The following NADSYN1 variants were observed in gnomAD, a reference collection of about 807,000 sequenced individuals.
NADSYN1 encodes glutamine-dependent NAD(+) synthetase.
A neutral mutation model predicts 99.3 loss-of-function variants in NADSYN1; 80 were observed. That is an observed-to-expected ratio of 0.81 (90% CI 0.67 to 0.97). The LOEUF (loss-of-function observed/expected upper bound fraction) is 0.97, where lower values mean the gene tolerates loss of function less well. Ranked by LOEUF, NADSYN1 falls within the 50% of genes least tolerant of loss-of-function variation. NADSYN1 has a pLI of 0.00. For missense variants in NADSYN1, 859 were observed against 948.5 expected (o/e 0.91, Z 1.24); for synonymous variants, 385 against 372.1 (o/e 1.03, Z -0.40).
chr11:71,476,509 C>T (rs189125385), intron 9 of NADSYN1: 56 of 317,406 alleles, frequency 1.8e-4, no homozygotes, highest in African/African-American at 1.1e-3. Flanking sequence ...ACCAAGTGAA[C>T]TTCACCCTGA....
At chr11:71,501,185 TG>T in intron 20 of NADSYN1, 116 bp from the exon 21 acceptor site, 1 of 958,274 alleles carries the variant, frequency 1.0e-6, no homozygotes, top group Non-Finnish European at 1.5e-6. Flanking sequence ...GTGGGGACTC[TG>T]GTAATTTACT....
At chr11:71,499,642 C>G (rs1171140390) in intron 20 of NADSYN1, 1 of 152,178 alleles carries the variant, frequency 6.6e-6, no homozygotes, top group Non-Finnish European at 1.5e-5. Context: ...AGGCCCTTCC[C>G]TTTTCCAAAG....
chr11:71,478,927 C>A, intron 10 of NADSYN1: 1 of 163,502 alleles, frequency 6.1e-6, no homozygotes, highest in South Asian at 1.7e-4. Flanking sequence ...AAGTAACGCC[C>A]CTCCTGCAGC....
chr11:71,461,465 G>A (rs538450723), intron 3 of NADSYN1, among the ~76,000 whole-genome samples: 2 of 152,238 alleles, frequency 1.3e-5, no homozygotes, highest in East Asian at 3.9e-4. Context: ...GTCTCACTCT[G>A]TCGCACAGGC....
At chr11:71,473,725 C>A in intron 8 of NADSYN1, 39 bp downstream of exon 8, 1 of 1,418,712 alleles carries the variant, frequency 7.0e-7, no homozygotes, top group Non-Finnish European at 9.9e-7. Flanking sequence ...ACAGGGCAGA[C>A]ACTGTATCTC....
chr11:71,493,037 A>G (rs138024973), intron 18 of NADSYN1, among the ~76,000 whole-genome samples: 471 of 152,092 alleles, frequency 3.1e-3, no homozygotes, highest in Non-Finnish European at 3.2e-3. Context: ...ATGGGTGTGC[A>G]TCACCATGTC....
intron 1 of NADSYN1, 138 bp downstream of exon 1, chr11:71,453,519 G>C (rs1949494151): frequency 2.7e-6 from 2 of 734,870 alleles, no homozygotes; most frequent in Admixed American, 5.0e-5. Context: ...TGAGATAATG[G>C]GCAATGACCC....
rs113766111 is a variant in NADSYN1 at position 71,464,023 on chromosome 11, G to C, written c.318-30G>C. ...GTGGCACGTTCATCTCAGGAGCCCG[G>C]TGTGCACAGCCCTGTTCCCCTGTCT... is the stretch of plus-strand genomic sequence containing the variant. On this transcript the variant is annotated intron_variant, in intron 4 of 20. Coordinates refer to ENST00000319023, the MANE Select transcript of NADSYN1 (RefSeq NM_018161.5). 1.1e-5 allele frequency: 18 copies of C among 1,569,420 alleles called. No homozygotes were observed. In the African/African-American group the frequency reaches 1.2e-4, roughly 11 times the overall value.
At chr11:71,478,028 CAG>C (rs147138819) in intron 9 of NADSYN1, among the ~76,000 whole-genome samples, 3,071 of 152,138 alleles carry the variant, frequency 0.02, 90 homozygotes, top group African/African-American at 0.07. Context: ...GTCTTACTGA[CAG>C]GGGTGTGTCT....
intron 9 of NADSYN1, chr11:71,476,550 C>G (rs1262138794): frequency 3.4e-6 from 2 of 596,420 alleles, no homozygotes; most frequent in Non-Finnish European, 4.3e-6. Flanking sequence ...TCAGGGGTTT[C>G]TTGCACGGGG....
chr11:71,473,476 T>TGGGAGCTGCCGTGGGAGAGTGCA, intron 7 of NADSYN1, 93 bp from the exon 8 acceptor site: 3 of 1,530,580 alleles, frequency 2.0e-6, no homozygotes, highest in Non-Finnish European at 2.7e-6. Flanking sequence ...GGCCGTGGGC[T>TGGGAGCTGCCGTGGGAGAGTGCA]GGGAGCTGCC....
chr11:71,480,965 G>A, intron 11 of NADSYN1, 86 bp downstream of exon 11: 1 of 1,562,914 alleles, frequency 6.4e-7, no homozygotes, highest in Non-Finnish European at 8.7e-7. Flanking sequence ...CACGCAGTGG[G>A]TTTTCAGAAC....
intron 14 of NADSYN1, among the ~76,000 whole-genome samples, chr11:71,483,493 C>T (rs1565604038): frequency 6.6e-6 from 1 of 152,168 alleles, no homozygotes; most frequent in African/African-American, 2.4e-5. Flanking sequence ...CTTCCCCTGC[C>T]CTCACTGCCT....
At chr11:71,484,033 ACT>A (rs1316771265) in intron 14 of NADSYN1, among the ~76,000 whole-genome samples, 2 of 152,146 alleles carry the variant, frequency 1.3e-5, no homozygotes, top group South Asian at 2.1e-4. Context: ...GGTGTCTGTC[ACT>A]CTCTGCATCT....
rs545019781 is a variant in NADSYN1 at position 71,474,521 on chromosome 11, G to A, written c.793G>A (p.Asp265Asn). Residue 265 changes from aspartate (D) to asparagine (N), a missense_variant, in exon 9 of 21, where the codon GAC (aspartate) becomes AAC (asparagine). Transcript: ENST00000319023. ...FAQGSQFSLDDVEVLTATLDL... is the reference protein window; with the variant it reads ...FAQGSQFSLDNVEVLTATLDL... ...TCAAGGATCCCAGTTTTCTCTGGAT[G>A]ACGTGGTAATGAGCGGGCCTGGACA... The A allele has an allele frequency of 6.2e-7, 1 of 1,614,160 alleles. No individual in the cohort carries two copies. Among genetic ancestry groups the A allele is most frequent in the Admixed American group, 1.7e-5 (1 of 60,030 alleles).
At chr11:71,482,530 G>T in intron 13 of NADSYN1, among the ~76,000 whole-genome samples, 1 of 151,332 alleles carries the variant, frequency 6.6e-6, no homozygotes, top group African/African-American at 2.4e-5. Context: ...GTAGACCGGG[G>T]TGGAGCCGCA....
chr11:71,481,938 C>CAT lies in NADSYN1; in HGVS notation c.1063_1064insAT (p.Pro355HisfsTer3). The CAT allele has an allele frequency of 6.2e-7, 1 of 1,613,332 alleles. No homozygotes were observed. Among genetic ancestry groups the CAT allele is most frequent in the African/African-American group, 1.3e-5 (1 of 75,030 alleles). ...TCCATTCCAGGCAGGGTTTTTGCTG[C>CAT]CCTTGAGTGGCGGGGTGGACAGCGC... On this transcript the variant is annotated frameshift_variant, in exon 13 of 21. Coordinates refer to ENST00000319023, the MANE Select transcript of NADSYN1 (RefSeq NM_018161.5). LOFTEE classifies it high-confidence loss of function.
chr11:71,491,900 C>T lies in NADSYN1; in HGVS notation c.1761C>T (p.Asp587=), dbSNP rs372682513. ...PLADGQVSQT[D]EEDMGMTYAE... ...CTGATGGACAGGTGTCCCAGACCGA[C>T]GAGGTAATGGCGGTGGCTTTGCCAT... The change falls in exon 18 of 21, where the codon GAC becomes GAT. Residue 587 remains aspartate (D), a synonymous_variant. Transcript: ENST00000319023. The T allele has an allele frequency of 1.2e-5, 20 of 1,613,812 alleles. No homozygotes were observed. The Admixed American group carries it at 1.3e-4, about 11-fold the overall frequency.
At chr11:71,480,714 G>C (rs566485176) in intron 10 of NADSYN1, 41 bp from the exon 11 acceptor site, 1 of 1,613,144 alleles carries the variant, frequency 6.2e-7, no homozygotes, top group Non-Finnish European at 8.5e-7. Context: ...GAGGGTTTCC[G>C]TGAAGCTGGG....
Sources: gnomAD v4.1 joint callset for allele counts (sites outside exome capture counted in the v4.1 genomes callset) on GRCh38, gnomAD v4.1.1 for gene constraint, MANE v1.5 for transcripts, NCBI Gene and HGNC (gene_info 2026-07-23, HGNC 2026-07-21) for gene names.